PER2: variants seen among roughly 807,000 people sequenced by gnomAD.
PER2 encodes the protein period circadian regulator 2.
Under a neutral mutation model 121.0 loss-of-function variants are expected in PER2, and 66 were observed. The ratio of observed to expected loss-of-function variants is 0.55; its 90% CI spans 0.45 to 0.67. PER2 has a LOEUF of 0.67. Among genes scored for constraint, PER2 ranks in the 30% least tolerant of loss-of-function variants. The probability of loss-of-function intolerance (pLI) is 0.00; values close to 1 mark genes in which losing one functional copy is unlikely to be tolerated. For synonymous variants in PER2, 684 were observed against 659.9 expected, an observed-to-expected ratio of 1.04 and a Z score of -0.56; for missense variants, 1,521 against 1,635.0, an observed-to-expected ratio of 0.93 and a Z score of 1.20.
In PER2 at chr2:238,249,041, A is replaced by G. The variant is rs538791969; in HGVS notation, c.3618+21T>C. 3.7e-6 allele frequency: 6 copies of G among 1,613,186 alleles called. No homozygotes were observed. The Admixed American group carries it at 1.0e-4, about 27-fold the overall frequency. Reference sequence around the variant, plus strand: ...CAGAGCCTTTTAGGGCCATATCAGAAATCGAGTCCCGTGAGCTTACTGCCA... The same window carrying G: ...CAGAGCCTTTTAGGGCCATATCAGAGATCGAGTCCCGTGAGCTTACTGCCA... On this transcript the variant is annotated intron_variant, in intron 22 of 22. Coordinates refer to ENST00000254657, the MANE Select transcript of PER2 (RefSeq NM_022817.3).
chr2:238,260,839 G>A lies in PER2; in HGVS notation c.1531C>T (p.Arg511Trp), dbSNP rs569927702. ...GGAAGGAGACGTACGGCTCTCCTCC[G>A]GCGTGAGTCCTCATGGCCGTTGCTG... ...SDSNGHEDSR[R>W]RRAEICKNGN... The change falls in exon 13 of 23, where the codon CGG (arginine) becomes TGG (tryptophan). Residue 511 changes from arginine to tryptophan, a missense_variant. Arg to Trp is a moderately radical substitution (Grantham distance 101, BLOSUM62 -3). Coordinates refer to ENST00000254657, the MANE Select transcript of PER2 (RefSeq NM_022817.3). The A allele has an allele frequency of 1.9e-6, 3 of 1,614,132 alleles. No individual in the cohort carries two copies. Among genetic ancestry groups the A allele is most frequent in the South Asian group, 1.1e-5 (1 of 91,084 alleles).
upstream of PER2, among the ~76,000 whole-genome samples, chr2:238,294,666 T>C (rs1413129969): frequency 1.3e-5 from 2 of 152,200 alleles, no homozygotes; most frequent in African/African-American, 4.8e-5. Flanking sequence ...AGGAATCCTG[T>C]GTGTCTGTGT....
At position 238,268,317 on chromosome 2, in the gene PER2, C is replaced by T. The variant is rs1385805676; in HGVS notation, c.825-119G>A. 1 of 1,064,444 alleles carries T rather than the reference C, an allele frequency of 9.4e-7. No individual in the cohort carries two copies. The highest frequency in any genetic ancestry group is 1.4e-6 in the Non-Finnish European group (1 of 712,690). The allele number at this position is 1,064,444 out of a possible 1,614,324, so 65.9% of individuals were successfully genotyped here. A position where few individuals can be genotyped will look rare whatever the true frequency, so the allele number is the denominator to read the frequency against. On this transcript the variant is annotated intron_variant, in intron 7 of 22. Transcript: ENST00000254657. This position sits in a 1 kb window ranked among gnomAD's most constrained non-coding sequence, Gnocchi z 4.0. ...CAGGTGATGTGTACCTCTGCTCTGC[C>T]TGAGGAGCTGGGCCTGCCCCCTGCC...
chr2:238,268,033 C>G lies in PER2; in HGVS notation c.967+23G>C. 6.2e-7 allele frequency: 1 copy of G among 1,613,044 alleles called. No homozygotes were observed. Among genetic ancestry groups the G allele is most frequent in the East Asian group, 2.2e-5 (1 of 44,868 alleles). ...GGGGGAGCCAGAGACAACATCTGCC[C>G]TCGCCCTGGGCTTGGCTGTTACCTT... On this transcript the variant is annotated intron_variant, in intron 8 of 22. Coordinates refer to ENST00000254657, the MANE Select transcript of PER2 (RefSeq NM_022817.3). The surrounding 1 kb of genome is among the most constrained non-coding windows in gnomAD (Gnocchi z 4.0).
intron 1 of PER2, among the ~76,000 whole-genome samples, chr2:238,286,108 A>T (rs1574863753): frequency 6.6e-6 from 1 of 152,096 alleles, no homozygotes; most frequent in Admixed American, 6.5e-5. Context: ...TTAAATCCCT[A>T]CATTTTTAGA....
chr2:238,256,126 T>C (rs1168598759), intron 17 of PER2, among the ~76,000 whole-genome samples: 2 of 152,270 alleles, frequency 1.3e-5, no homozygotes, highest in Non-Finnish European at 2.9e-5. Flanking sequence ...GACAGCCAGG[T>C]GCTCAGGAAC....
intron 2 of PER2, 21 bp from the exon 3 acceptor site, chr2:238,277,214 A>C (rs755858278): frequency 6.5e-7 from 1 of 1,543,092 alleles, no homozygotes; most frequent in Admixed American, 1.7e-5. Context: ...AAAAAATAAA[A>C]GCAAAATTTA....
Position 238,277,174 on chromosome 2 carries a change from T to A in PER2, c.250A>T (p.Met84Leu). 6.2e-7 allele frequency: 1 copy of A among 1,613,386 alleles called. No individual in the cohort carries two copies. ...GGGTTGTGTTCAGATTTTGCCATCA[T>A]CAGGCTAAAGGTATCTGGACTATGA... is the stretch of plus-strand genomic sequence containing the variant. ...ARQSPDTFSL[M>L]MAKSEHNPST... is the part of the protein sequence containing the mutation. Residue 84 changes from methionine to leucine, a missense_variant, in exon 3 of 23, where the codon ATG (methionine) becomes TTG (leucine). Coordinates refer to ENST00000254657, the MANE Select transcript of PER2 (RefSeq NM_022817.3).
At chr2:238,256,530 C>T (rs1304885513) in intron 17 of PER2, among the ~76,000 whole-genome samples, 1 of 152,226 alleles carries the variant, frequency 6.6e-6, no homozygotes, top group South Asian at 2.1e-4. Context: ...TGTCCACAAA[C>T]AGGGAGAGCT....
Position 238,268,131 on chromosome 2 carries a change from C to A in PER2, c.892G>T (p.Val298Leu). 1 of 1,614,126 alleles carries A rather than the reference C, an allele frequency of 6.2e-7. No homozygotes were observed. The change falls in exon 8 of 23, where the codon GTG becomes TTG. Residue 298 changes from valine to leucine, a missense_variant. Transcript: ENST00000254657. The surrounding 1 kb of genome is among the most constrained non-coding windows in gnomAD (Gnocchi z 4.0). ...PFRMTPYLVK[V>L]RDQQGAESQL... ...CTCTCAGCACCTTGTTGGTCCCGCA[C>A]CTTGACCAGGTAGGGCGTCATGCGG...
chr2:238,246,365 G>A lies in PER2; in HGVS notation c.*10C>T, dbSNP rs979163957. On this transcript the variant is annotated 3_prime_UTR_variant, in exon 23 of 23. Transcript: ENST00000254657. ...ACCTCGCTGGCTGCCGGGCTGAGGT[G>A]GGGCAGGGGTTACGTCTGCTCTTCG... The A allele has an allele frequency of 6.3e-7, 1 of 1,589,756 alleles. No individual in the cohort carries two copies. Among genetic ancestry groups the A allele is most frequent in the East Asian group, 2.2e-5 (1 of 44,446 alleles).
chr2:238,292,571 G>A (rs1192694952), upstream of PER2, among the ~76,000 whole-genome samples: 2 of 152,208 alleles, frequency 1.3e-5, no homozygotes, highest in Non-Finnish European at 2.9e-5. Flanking sequence ...GGGAGGAAGT[G>A]TTCAGTATTT....
chr2:238,273,888 G>A (rs1277224402), intron 4 of PER2, among the ~76,000 whole-genome samples: 6 of 152,134 alleles, frequency 3.9e-5, no homozygotes, highest in East Asian at 1.9e-4. Context: ...GGATGGTCTC[G>A]ATCTCTTGAC....
chr2:238,265,490 G>A (rs751184726), intron 9 of PER2, 22 bp downstream of exon 9: 3 of 1,492,648 alleles, frequency 2.0e-6, no homozygotes, highest in Admixed American at 1.7e-5. Context: ...CATGAAAAAG[G>A]GGGTGGGTCA....
chr2:238,255,730 T>C lies in PER2; in HGVS notation c.2247A>G (p.Arg749=). The C allele has an allele frequency of 1.2e-6, 2 of 1,614,262 alleles. No individual in the cohort carries two copies. Among genetic ancestry groups the C allele is most frequent in the Admixed American group, 1.7e-5 (1 of 60,032 alleles). The part of the protein sequence containing the change: ...QSFLQKFKEI[R]KLSIFQSHCH... ...AGTGGGACTGGAAAATGCTGAGTTT[T>C]CTTATTTCTTTGAACTTCTGCAGGA... The change falls in exon 18 of 23, where the codon AGA becomes AGG. Residue 749 remains arginine, a synonymous_variant. Transcript: ENST00000254657.
Position 238,268,341 on chromosome 2 carries a change from C to T in PER2, c.825-143G>A. On this transcript the variant is annotated intron_variant, in intron 7 of 22. Transcript: ENST00000254657. This position sits in a 1 kb window ranked among gnomAD's most constrained non-coding sequence, Gnocchi z 4.0. ...CCTGAGGAGCTGGGCCTGCCCCCTG[C>T]CCTCTTCGGTCCCTCCCTCAGTCCC... 1.2e-6 allele frequency: 1 copy of T among 826,286 alleles called. No individual in the cohort carries two copies. Among genetic ancestry groups the T allele is most frequent in the Non-Finnish European group, 2.0e-6 (1 of 500,008 alleles). The allele number at this position is 826,286 out of a possible 1,614,324, so 51.2% of individuals were successfully genotyped here.
chr2:238,284,453 A>G (rs1426403186), intron 1 of PER2, among the ~76,000 whole-genome samples: 3 of 152,130 alleles, frequency 2.0e-5, no homozygotes, highest in African/African-American at 7.2e-5. Flanking sequence ...AAAAAAAAAA[A>G]AAAAGAGAGA....
Position 238,253,444 on chromosome 2 carries a change from G to A in PER2, c.2579C>T (p.Pro860Leu). ...GGGTGCTGCCACAGTCCCTGGCGCT[G>A]GAAACACGGGCAGTGAATAAGCTGC... ...VPAAYSLPVF[P>L]APGTVAAPPA... The change falls in exon 19 of 23, where the codon CCA becomes CTA. Residue 860 changes from proline to leucine, a missense_variant. Physicochemically the swap from Pro to Leu is moderately conservative, Grantham distance 98. Transcript: ENST00000254657. This position sits in a 1 kb window ranked among gnomAD's most constrained non-coding sequence, Gnocchi z 5.6. The A allele has an allele frequency of 4.3e-6, 7 of 1,612,668 alleles. No individual in the cohort carries two copies. Among genetic ancestry groups the A allele is most frequent in the Non-Finnish European group, 5.9e-6 (7 of 1,179,174 alleles).
At position 238,253,310 on chromosome 2, in the gene PER2, C is replaced by T. The variant is rs1288372242; in HGVS notation, c.2713G>A (p.Ala905Thr). Reference protein sequence around the residue: ...PFPAPLAPVMAFMLPSYSFPS... With the variant: ...PFPAPLAPVMTFMLPSYSFPS... ...AAGGAATAACTGGGTAGCATGAATGCCATGACAGGCGCCAAAGGGGCAGGG... is the reference window on the plus strand; with the variant it reads ...AAGGAATAACTGGGTAGCATGAATGTCATGACAGGCGCCAAAGGGGCAGGG... Residue 905 changes from alanine (A) to threonine (T), a missense_variant, in exon 19 of 23, where the codon GCA becomes ACA. Coordinates refer to ENST00000254657, the MANE Select transcript of PER2 (RefSeq NM_022817.3). This position sits in a 1 kb window ranked among gnomAD's most constrained non-coding sequence, Gnocchi z 5.6. 1.2e-6 allele frequency: 2 copies of T among 1,613,512 alleles called. No individual in the cohort carries two copies. Among genetic ancestry groups the T allele is most frequent in the Non-Finnish European group, 8.5e-7 (1 of 1,179,794 alleles).
Sources: gnomAD v4.1 joint callset for allele counts (sites outside exome capture counted in the v4.1 genomes callset) on GRCh38, gnomAD v4.1.1 for gene constraint, Gnocchi (gnomAD v3.1) non-coding constraint, MANE v1.5 for transcripts, NCBI Gene and HGNC (gene_info 2026-07-23, HGNC 2026-07-21) for gene names.